The following RTN1 variants were observed in gnomAD, a reference collection of about 807,000 sequenced individuals.
The protein encoded by RTN1 is reticulon 1, also known as reticulon-1.
A neutral mutation model predicts 65.5 loss-of-function variants in RTN1; 25 were observed. That is an observed-to-expected ratio of 0.38 (90% CI 0.28 to 0.53). The LOEUF (loss-of-function observed/expected upper bound fraction) is 0.53, where lower values mean the gene tolerates loss of function less well. Among genes scored for constraint, RTN1 ranks in the 20% least tolerant of loss-of-function variants. The probability of loss-of-function intolerance (pLI) is 0.79; values close to 1 mark genes in which losing one functional copy is unlikely to be tolerated. For synonymous variants in RTN1, 471 were observed against 447.6 expected (o/e 1.05, Z -0.66); for missense variants, 983 against 1,025.4 (o/e 0.96, Z 0.57).
At chr14:59,781,419 T>C (rs1886153453) in intron 1 of RTN1, among the ~76,000 whole-genome samples, 1 of 152,086 alleles carries the variant, frequency 6.6e-6, no homozygotes, top group Admixed American at 6.5e-5. Flanking sequence ...AATGTGAATC[T>C]GTTCAGCAAC....
At chr14:59,635,853 G>A (rs937069736) in intron 3 of RTN1, among the ~76,000 whole-genome samples, 1 of 152,080 alleles carries the variant, frequency 6.6e-6, no homozygotes. Flanking sequence ...AGACATATAA[G>A]AGAATGAATA....
intron 3 of RTN1, among the ~76,000 whole-genome samples, chr14:59,666,849 G>A (rs1883386734): frequency 6.7e-6 from 1 of 149,142 alleles, no homozygotes; most frequent in South Asian, 2.1e-4. Flanking sequence ...AGAAGAAATG[G>A]ATAAATTCCT....
chr14:59,612,029 T>G (rs934591833), intron 3 of RTN1, among the ~76,000 whole-genome samples: 1 of 152,086 alleles, frequency 6.6e-6, no homozygotes, highest in Non-Finnish European at 1.5e-5. Context: ...CATTTGGAGG[T>G]CATCTGTCCC....
chr14:59,716,933 ACTCCAGCC>A (rs1420133887), intron 3 of RTN1, among the ~76,000 whole-genome samples: 17 of 150,836 alleles, frequency 1.1e-4, no homozygotes, highest in African/African-American at 4.1e-4. Flanking sequence ...ATGCCACTAC[ACTCCAGCC>A]TGGGCAACAG....
rs1885226534 is a variant in RTN1 at position 59,746,402 on chromosome 14, A to C, written c.321T>G (p.Ser107=). 1.9e-6 allele frequency: 3 copies of C among 1,613,870 alleles called. No homozygotes were observed. Among genetic ancestry groups the C allele is most frequent in the African/African-American group, 1.3e-5 (1 of 74,886 alleles). The change falls in exon 2 of 9, where the codon TCT becomes TCG. Residue 107 remains serine, a synonymous_variant. Coordinates refer to ENST00000267484, the MANE Select transcript of RTN1 (RefSeq NM_021136.3). ...SKDGEGSCYT[S]LISDICYPPQ... ...GTGGATAGCAGATGTCAGAAATGAG[A>C]GATGTGTAACACGATCCTTCCCCAT...
In RTN1 at chr14:59,850,433, G is replaced by A. The variant is rs189517138; in HGVS notation, c.241+19957C>T. On this transcript the variant is annotated intron_variant, in intron 1 of 8. Transcript: ENST00000267484. Reference sequence around the variant, plus strand: ...CTGTGCTGAAAGTGAAAGACAGAATGGTTGTATGGGTACACAAAGTACAGG... The same window carrying A: ...CTGTGCTGAAAGTGAAAGACAGAATAGTTGTATGGGTACACAAAGTACAGG... 4.2e-3 allele frequency among the ~76,000 whole-genome samples: 636 copies of A among 152,314 alleles called. 1 individual carries two copies. Among genetic ancestry groups the A allele is most frequent in the Admixed American group, 7.2e-3 (110 of 15,302 alleles).
chr14:59,803,992 T>C lies in RTN1; in HGVS notation c.242-57511A>G, dbSNP rs1225598608. Among the ~76,000 whole-genome samples, 1 of 152,230 alleles carries C rather than the reference T, an allele frequency of 6.6e-6. No individual in the cohort carries two copies. The highest frequency in any genetic ancestry group is 1.5e-5 in the Non-Finnish European group (1 of 68,030). On this transcript the variant is annotated intron_variant, in intron 1 of 8. Coordinates refer to ENST00000267484, the MANE Select transcript of RTN1 (RefSeq NM_021136.3). This position sits in a 1 kb window ranked among gnomAD's most constrained non-coding sequence, Gnocchi z 5.6. Reference sequence around the variant, plus strand: ...TCAGTTTCCTCTCTTGTTAACATCTTACATGGTCTATTTGTTACAATTAAT... The same window carrying C: ...TCAGTTTCCTCTCTTGTTAACATCTCACATGGTCTATTTGTTACAATTAAT...
At position 59,746,478 on chromosome 14, in the gene RTN1, A is replaced by C. The variant is rs1885229551; in HGVS notation, c.245T>G (p.Val82Gly). 2 of 1,577,502 alleles carry C rather than the reference A, an allele frequency of 1.3e-6. No homozygotes were observed. Among genetic ancestry groups the C allele is most frequent in the Non-Finnish European group, 1.7e-6 (2 of 1,163,742 alleles). Residue 82 changes from valine (V) to glycine (G), a missense_variant, in exon 2 of 9, where the codon GTG becomes GGG. Physicochemically the swap from Val to Gly is moderately radical, Grantham distance 109. Coordinates refer to ENST00000267484, the MANE Select transcript of RTN1 (RefSeq NM_021136.3). ...PVAMETASTGVAGVSSAMDHT... is the reference protein window; with the variant it reads ...PVAMETASTGGAGVSSAMDHT... ...GTCCATGGCACTGGAAACACCTGCC[A>C]CACCTATGAATCAAAGCAGCAGCAG...
intron 1 of RTN1, among the ~76,000 whole-genome samples, chr14:59,808,316 C>T (rs1189443535): frequency 6.6e-6 from 1 of 152,136 alleles, no homozygotes; most frequent in Non-Finnish European, 1.5e-5. Context: ...TTAAGATTCC[C>T]TTAACTTTGT....
chr14:59,605,434 G>A lies in RTN1; in HGVS notation c.2046C>T (p.Tyr682=), dbSNP rs1595109273. 1.2e-6 allele frequency: 2 copies of A among 1,613,934 alleles called. No individual in the cohort carries two copies. Among genetic ancestry groups the A allele is most frequent in the Non-Finnish European group, 1.7e-6 (2 of 1,179,820 alleles). The part of the protein sequence containing the change: ...IQKYTDCLQF[Y]VNSTLKELRR... The stretch of plus-strand genomic sequence containing the variant: ...TCAGTTCCTTAAGTGTGCTGTTCAC[G>A]TAGAACTGCAGGCAGTCCGTGTACT... The change falls in exon 5 of 9, where the codon TAC becomes TAT. Residue 682 remains tyrosine, a synonymous_variant. Transcript: ENST00000267484.
At chr14:59,792,056 T>G (rs1886358378) in intron 1 of RTN1, among the ~76,000 whole-genome samples, 1 of 152,148 alleles carries the variant, frequency 6.6e-6, no homozygotes, top group South Asian at 2.1e-4. Context: ...TTAGGAGTCA[T>G]GGAGGTTCCT....
intron 1 of RTN1, among the ~76,000 whole-genome samples, chr14:59,787,965 A>G (rs896424666): frequency 6.6e-6 from 1 of 152,126 alleles, no homozygotes; most frequent in Non-Finnish European, 1.5e-5. Context: ...CACTTTATTG[A>G]TAAGGGATTG....
intron 1 of RTN1, among the ~76,000 whole-genome samples, chr14:59,767,097 T>C (rs1885864006): frequency 6.6e-6 from 1 of 152,202 alleles, no homozygotes; most frequent in South Asian, 2.1e-4. Context: ...CCAGTGTCTG[T>C]CCTGCCTTTC....
At chr14:59,631,836 G>A (rs1882561652) in intron 3 of RTN1, among the ~76,000 whole-genome samples, 1 of 152,088 alleles carries the variant, frequency 6.6e-6, no homozygotes, top group African/African-American at 2.4e-5. Flanking sequence ...TTCAGAGGGA[G>A]CAGGAACAAA....
Position 59,727,422 on chromosome 14 carries a change from A to T in RTN1, c.1262T>A (p.Met421Lys). 1 of 1,552,256 alleles carries T rather than the reference A, an allele frequency of 6.4e-7. No homozygotes were observed. The highest frequency in any genetic ancestry group is 1.4e-5 in the African/African-American group (1 of 73,552). ...TGAGGGCAGCGCGTCCTCCGCGGCC[A>T]TGGGGTCCTCGGACACCAGCTCGAT... ...SEIELVSEDP[M>K]AAEDALPSGY... Residue 421 changes from methionine to lysine, a missense_variant, in exon 3 of 9, where the codon ATG becomes AAG. Transcript: ENST00000267484. This position sits in a 1 kb window ranked among gnomAD's most constrained non-coding sequence, Gnocchi z 4.2.
At chr14:59,861,514 C>T (rs188594388) in intron 1 of RTN1, among the ~76,000 whole-genome samples, 1 of 152,282 alleles carries the variant, frequency 6.6e-6, no homozygotes. Flanking sequence ...GTTAGGGGCA[C>T]TGTTGTCTTT....
At chr14:59,703,144 T>A (rs1280800263) in intron 3 of RTN1, among the ~76,000 whole-genome samples, 1 of 152,172 alleles carries the variant, frequency 6.6e-6, no homozygotes, top group Non-Finnish European at 1.5e-5. Context: ...CCTCTAACTC[T>A]TTCTACTTTT....
intron 3 of RTN1, among the ~76,000 whole-genome samples, chr14:59,657,759 G>T (rs1328086107): frequency 6.6e-6 from 1 of 152,214 alleles, no homozygotes; most frequent in Admixed American, 6.5e-5. Flanking sequence ...CAGACCAGGA[G>T]ATTCCCTCGG....
chr14:59,629,624 CA>C (rs1330227326), intron 3 of RTN1, among the ~76,000 whole-genome samples: 3 of 152,152 alleles, frequency 2.0e-5, no homozygotes, highest in Admixed American at 6.5e-5. Flanking sequence ...TCTGTAACTG[CA>C]AGGTGAATTT....
Sources: gnomAD v4.1 joint callset for allele counts (sites outside exome capture counted in the v4.1 genomes callset) on GRCh38, gnomAD v4.1.1 for gene constraint, Gnocchi (gnomAD v3.1) non-coding constraint, MANE v1.5 for transcripts, NCBI Gene and HGNC (gene_info 2026-07-23, HGNC 2026-07-21) for gene names.